TLL1: variants seen among roughly 807,000 people sequenced by gnomAD.
TLL1 encodes the protein tolloid like 1, also known as tolloid-like protein 1.
Under a neutral mutation model 128.2 loss-of-function variants are expected in TLL1, and 49 were observed. The ratio of observed to expected loss-of-function variants is 0.38; its 90% CI spans 0.30 to 0.48. The LOEUF (loss-of-function observed/expected upper bound fraction) is 0.48. Ranked by LOEUF, TLL1 falls within the 20% of genes least tolerant of loss-of-function variation. The probability of loss-of-function intolerance (pLI) is 0.96; values close to 1 mark genes in which losing one functional copy is unlikely to be tolerated. For synonymous variants in TLL1, 454 were observed against 418.8 expected (o/e 1.08, Z -1.03); for missense variants, 1,123 against 1,242.0 (o/e 0.90, Z 1.44).
chr4:165,884,255 T>A (rs992320362), intron 1 of TLL1, among the ~76,000 whole-genome samples: 1 of 152,252 alleles, frequency 6.6e-6, no homozygotes. Context: ...CATGCTAAGT[T>A]ATTTTAATTT....
intron 8 of TLL1, among the ~76,000 whole-genome samples, chr4:166,015,702 A>G (rs749733606): frequency 6.6e-6 from 1 of 151,942 alleles, no homozygotes; most frequent in Non-Finnish European, 1.5e-5. Context: ...AATCCCAGGA[A>G]ATACCTGGAA....
rs1739613150 is a variant in TLL1, at chr4:166,049,466, T to TAA, written c.1525-5610_1525-5609insAA. ...TTCACATACTGTCAAGTGAATATTA[T>TAA]TTGGCCATAGCAGGTTTACAATAAA... On this transcript the variant is annotated intron_variant, in intron 12 of 20. Coordinates refer to ENST00000061240, the MANE Select transcript of TLL1 (RefSeq NM_012464.5). Among the ~76,000 whole-genome samples, 3 of 152,318 alleles carry TAA rather than the reference T, an allele frequency of 2.0e-5. No homozygotes were observed. The South Asian group carries it at 6.2e-4, about 32-fold the overall frequency.
intron 13 of TLL1, 143 bp from the exon 14 acceptor site, chr4:166,057,041 T>TCATGA (rs1464063976): frequency 4.8e-6 from 4 of 836,260 alleles, no homozygotes; most frequent in Non-Finnish European, 7.9e-6. Flanking sequence ...CAGTTACCTC[T>TCATGA]CACCAGGTCC....
rs141927693 is a variant in TLL1 at position 165,959,694 on chromosome 4, C to A, written c.170-29687C>A. On this transcript the variant is annotated intron_variant, in intron 1 of 20. Coordinates refer to ENST00000061240, the MANE Select transcript of TLL1 (RefSeq NM_012464.5). ...AGAAACAAATAACAGGAGTATCTTT[C>A]AAAACCACACTATTGCATGGAAATT... Among the ~76,000 whole-genome samples, 6 of 152,190 alleles carry A rather than the reference C, an allele frequency of 3.9e-5. No homozygotes were observed. In the East Asian group the frequency reaches 1.2e-3, roughly 29 times the overall value.
intron 1 of TLL1, among the ~76,000 whole-genome samples, chr4:165,891,951 T>C (rs561058964): frequency 6.6e-6 from 1 of 152,326 alleles, no homozygotes; most frequent in African/African-American, 2.4e-5. Context: ...AAGACAAACC[T>C]GAGACTGGGT....
At chr4:165,952,872 A>G (rs976527677) in intron 1 of TLL1, among the ~76,000 whole-genome samples, 1 of 152,152 alleles carries the variant, frequency 6.6e-6, no homozygotes, top group African/African-American at 2.4e-5. Flanking sequence ...CCCCCCACTA[A>G]AGAGCAAGAA....
At position 166,067,350 on chromosome 4, in the gene TLL1, T is replaced by A. The variant is rs181140912; in HGVS notation, c.2188+1487T>A. Among the ~76,000 whole-genome samples the A allele has an allele frequency of 1.5e-3, 232 of 151,930 alleles. 1 individual carries two copies. The highest frequency in any genetic ancestry group is 5.3e-3 in the African/African-American group (219 of 41,512). The stretch of plus-strand genomic sequence containing the variant: ...AAAATTCCCTTTCTGATATTTTTGG[T>A]CAGAAAAAATTTTCCAAATTATAAA... On this transcript the variant is annotated intron_variant, in intron 16 of 20. Transcript: ENST00000061240.
chr4:166,035,878 C>T (rs1360677011), intron 9 of TLL1, among the ~76,000 whole-genome samples: 1 of 152,076 alleles, frequency 6.6e-6, no homozygotes. Flanking sequence ...GAATTTGATC[C>T]ATGGGTTATA....
intron 1 of TLL1, among the ~76,000 whole-genome samples, chr4:165,904,288 C>T (rs1732146324): frequency 6.6e-6 from 1 of 152,078 alleles, no homozygotes; most frequent in South Asian, 2.1e-4. Flanking sequence ...TGGAAAAATG[C>T]CATGTTTTCT....
intron 1 of TLL1, among the ~76,000 whole-genome samples, chr4:165,953,133 TATC>T (rs1422470568): frequency 6.6e-6 from 1 of 152,194 alleles, no homozygotes; most frequent in Non-Finnish European, 1.5e-5. Context: ...TTAGGTTTGA[TATC>T]ATGATTATCA....
At chr4:166,089,895 T>C (rs1051550635) in intron 18 of TLL1, among the ~76,000 whole-genome samples, 1 of 152,096 alleles carries the variant, frequency 6.6e-6, no homozygotes, top group African/African-American at 2.4e-5. Context: ...CTAGTTAATA[T>C]GAATTGTTTA....
At chr4:166,050,090 T>C (rs984341130) in intron 12 of TLL1, among the ~76,000 whole-genome samples, 1 of 152,194 alleles carries the variant, frequency 6.6e-6, no homozygotes, top group South Asian at 2.1e-4. Context: ...CTTAACCAGT[T>C]GTTAAGTGTA....
intron 17 of TLL1, 148 bp downstream of exon 17, chr4:166,075,151 C>G: frequency 9.0e-7 from 1 of 1,112,036 alleles, no homozygotes; most frequent in African/African-American, 1.5e-5. Context: ...TGTGTAATGT[C>G]CAAAGATCCA....
At position 165,873,622 on chromosome 4, in the gene TLL1, C is replaced by T. The variant is rs933526286; in HGVS notation, c.-283C>T. ...CCAGCGCCGCCAGAGCCGAGTTTGC[C>T]TGCGCCCTCCCCGCCTCCGAGTGCA... On this transcript the variant is annotated 5_prime_UTR_variant, in exon 1 of 21. Transcript: ENST00000061240. The T allele has an allele frequency of 7.1e-6, 2 of 280,690 alleles. No homozygotes were observed. The highest frequency in any genetic ancestry group is 1.3e-5 in the Non-Finnish European group (2 of 150,438). 17.4% of individuals were successfully genotyped at this position (280,690 alleles called of 1,614,324 possible).
chr4:166,075,900 A>T (rs1327068208), intron 17 of TLL1, among the ~76,000 whole-genome samples: 1 of 151,996 alleles, frequency 6.6e-6, no homozygotes, highest in Non-Finnish European at 1.5e-5. Context: ...CATGTCAGGG[A>T]TTTTCTTTTT....
intron 1 of TLL1, among the ~76,000 whole-genome samples, chr4:165,963,468 T>A (rs1206427355): frequency 1.3e-5 from 2 of 151,162 alleles, no homozygotes; most frequent in Admixed American, 6.6e-5. Flanking sequence ...TACTTTATGC[T>A]TTTCATATAT....
At position 165,972,936 on chromosome 4, in the gene TLL1, C is replaced by T. The variant is rs189189793; in HGVS notation, c.170-16445C>T. On this transcript the variant is annotated intron_variant, in intron 1 of 20. Transcript: ENST00000061240. ...GTGCCTTTGTATGAAGTATAGTCATCTGATGGGCATTCTGGCTGAGAATAG... is the reference window on the plus strand; with the variant it reads ...GTGCCTTTGTATGAAGTATAGTCATTTGATGGGCATTCTGGCTGAGAATAG... 1.1e-3 allele frequency among the ~76,000 whole-genome samples: 171 copies of T among 151,906 alleles called. 1 individual carries two copies. Among genetic ancestry groups the T allele is most frequent in the South Asian group, 2.3e-3 (11 of 4,822 alleles).
At chr4:166,034,598 C>T (rs1738913151) in intron 9 of TLL1, among the ~76,000 whole-genome samples, 1 of 151,970 alleles carries the variant, frequency 6.6e-6, no homozygotes, top group Non-Finnish European at 1.5e-5. Flanking sequence ...TCTTGTGAAA[C>T]TATTACATTA....
At chr4:166,062,235 T>C (rs1161358466) in intron 15 of TLL1, among the ~76,000 whole-genome samples, 1 of 152,178 alleles carries the variant, frequency 6.6e-6, no homozygotes, top group Admixed American at 6.5e-5. Context: ...TTTAAAGTAG[T>C]TTTTTCCAAT....
Sources: gnomAD v4.1 joint callset for allele counts (sites outside exome capture counted in the v4.1 genomes callset) on GRCh38, gnomAD v4.1.1 for gene constraint, MANE v1.5 for transcripts, NCBI Gene and HGNC (gene_info 2026-07-23, HGNC 2026-07-21) for gene names.